PPP2R2B: variants seen among roughly 807,000 people sequenced by gnomAD.
The protein encoded by PPP2R2B is serine/threonine-protein phosphatase 2A 55 kDa regulatory subunit B beta isoform.
Under a neutral mutation model 46.0 loss-of-function variants are expected in PPP2R2B, and 5 were observed. The ratio of observed to expected loss-of-function variants is 0.11; its 90% confidence interval spans 0.06 to 0.23. The LOEUF (loss-of-function observed/expected upper bound fraction) is 0.23. Ranked by LOEUF, PPP2R2B falls within the 10% of genes least tolerant of loss-of-function variation. The pLI is 1.00. For synonymous variants in PPP2R2B, 215 were observed against 206.7 expected (o/e 1.04, Z -0.34); for missense variants, 367 against 575.0 (o/e 0.64, Z 3.70).
intron 9 of PPP2R2B, 151 bp from the exon 10 acceptor site, chr5:146,590,377 G>T (rs1461527158): frequency 6.6e-6 from 4 of 610,050 alleles, no homozygotes; most frequent in South Asian, 3.8e-5. Context: ...TGTGATTATT[G>T]GCTTTTTGTT....
intron 1 of PPP2R2B, among the ~76,000 whole-genome samples, chr5:147,031,594 C>T (rs1445148120): frequency 1.3e-5 from 2 of 151,916 alleles, no homozygotes; most frequent in Non-Finnish European, 2.9e-5. Flanking sequence ...ATTGATATTG[C>T]TCATTACCTC....
intron 1 of PPP2R2B, among the ~76,000 whole-genome samples, chr5:146,965,284 A>C (rs17105791): frequency 0.19 from 29,277 of 152,144 alleles, 3,347 homozygotes; most frequent in East Asian, 0.36. Flanking sequence ...TAGAATTCTT[A>C]TACATACACA....
intron 1 of PPP2R2B, among the ~76,000 whole-genome samples, chr5:147,017,646 A>C (rs2151882777): frequency 6.7e-6 from 1 of 149,704 alleles, no homozygotes; most frequent in Admixed American, 6.8e-5. Flanking sequence ...AGAGGGTAGA[A>C]AATTTCAGGA....
intron 1 of PPP2R2B, among the ~76,000 whole-genome samples, chr5:147,001,835 A>C (rs61225211): frequency 0.017 from 2,516 of 152,046 alleles, 74 homozygotes; most frequent in African/African-American, 0.058. Context: ...ACAACCCCCA[A>C]CTCTTCGGAG....
intron 1 of PPP2R2B, among the ~76,000 whole-genome samples, chr5:147,018,043 GCACACACACACACACACA>G (rs60161356): frequency 2.1e-5 from 1 of 48,246 alleles, no homozygotes; most frequent in African/African-American, 1.3e-4. Context: ...GCATGCGCGC[GCACACACACACACACACA>G]CACACACACA....
intron 2 of PPP2R2B, among the ~76,000 whole-genome samples, chr5:146,832,438 C>CTGGA (rs1297099640): frequency 8.7e-6 from 1 of 115,162 alleles, no homozygotes; most frequent in South Asian, 3.1e-4. Flanking sequence ...ATTGCCTGGG[C>CTGGA]TGGAGTGCAG....
chr5:146,847,010 G>A (rs1760051462), intron 2 of PPP2R2B, among the ~76,000 whole-genome samples: 2 of 152,130 alleles, frequency 1.3e-5, no homozygotes, highest in Admixed American at 1.3e-4. Flanking sequence ...CAGACTATGG[G>A]TGGGAAAACA....
intron 2 of PPP2R2B, among the ~76,000 whole-genome samples, chr5:146,766,782 G>A (rs956122534): frequency 4.6e-5 from 7 of 152,070 alleles, no homozygotes; most frequent in African/African-American, 7.2e-5. Context: ...GGTGGGGCAC[G>A]GTGGCTCATG....
intron 1 of PPP2R2B, among the ~76,000 whole-genome samples, chr5:147,034,114 T>C (rs1438360153): frequency 6.6e-6 from 1 of 152,200 alleles, no homozygotes; most frequent in African/African-American, 2.4e-5. Context: ...GCCACACTGC[T>C]CTGCTTTCTT....
intron 2 of PPP2R2B, among the ~76,000 whole-genome samples, chr5:146,787,819 C>T (rs532308309): frequency 9.2e-5 from 14 of 152,282 alleles, no homozygotes; most frequent in African/African-American, 2.6e-4. Flanking sequence ...CCACCCACCT[C>T]GGACTCCCAA....
chr5:147,043,026 G>A (rs991561381), intron 1 of PPP2R2B, among the ~76,000 whole-genome samples: 7 of 152,076 alleles, frequency 4.6e-5, no homozygotes, highest in Non-Finnish European at 8.8e-5. Flanking sequence ...GCTTGTTTGC[G>A]TTATTTCTAG....
chr5:146,825,077 GA>G (rs1758491630), intron 2 of PPP2R2B, among the ~76,000 whole-genome samples: 1 of 152,168 alleles, frequency 6.6e-6, no homozygotes. Flanking sequence ...GAAACCTCCT[GA>G]AAAAGCATTT....
At chr5:146,777,868 T>C (rs1755282050) in intron 2 of PPP2R2B, among the ~76,000 whole-genome samples, 1 of 152,186 alleles carries the variant, frequency 6.6e-6, no homozygotes, top group Non-Finnish European at 1.5e-5. Flanking sequence ...TATTAATCCA[T>C]GTCTATAAAT....
chr5:146,923,093 A>T (rs192417780), intron 1 of PPP2R2B, among the ~76,000 whole-genome samples: 42 of 152,310 alleles, frequency 2.8e-4, no homozygotes, highest in African/African-American at 1.0e-3. Context: ...TGACAGCTCC[A>T]GGTTTTTCCG....
intron 2 of PPP2R2B, among the ~76,000 whole-genome samples, chr5:147,078,613 C>T (rs1370975555): frequency 2.6e-5 from 4 of 151,898 alleles, no homozygotes; most frequent in Admixed American, 2.0e-4. Context: ...CGGTGAAACC[C>T]CATCTCTACT....
intron 6 of PPP2R2B, among the ~76,000 whole-genome samples, chr5:146,644,234 C>CAA (rs58634387): frequency 1.9e-3 from 117 of 60,600 alleles, no homozygotes; most frequent in African/African-American, 4.5e-3. Context: ...AGGAAAGTTT[C>CAA]AAAAAAAAAA....
intron 2 of PPP2R2B, among the ~76,000 whole-genome samples, chr5:146,804,221 C>T (rs923563291): frequency 7.9e-5 from 12 of 152,068 alleles, no homozygotes; most frequent in Admixed American, 7.9e-4. Flanking sequence ...TTATTGAGCA[C>T]TACTTCCTAT....
intron 2 of PPP2R2B, among the ~76,000 whole-genome samples, chr5:147,076,769 C>G (rs923160962): frequency 1.3e-5 from 2 of 152,090 alleles, no homozygotes; most frequent in Non-Finnish European, 2.9e-5. Flanking sequence ...CTCTTCTGGG[C>G]CATGCTCTGT....
intron 7 of PPP2R2B, among the ~76,000 whole-genome samples, chr5:146,620,301 T>A (rs1255343952): frequency 6.6e-6 from 1 of 152,172 alleles, no homozygotes; most frequent in African/African-American, 2.4e-5. Flanking sequence ...TAATTGTGGG[T>A]CTGTTTGTCT....
Sources: allele counts gnomAD v4.1 joint callset (sites outside exome capture counted in the v4.1 genomes callset), GRCh38; gene constraint gnomAD v4.1.1; transcripts MANE v1.5; gene names NCBI Gene and HGNC (gene_info 2026-07-23, HGNC 2026-07-21).